Variants in WRAP73 observed in about 807,000 individuals in gnomAD.
The protein encoded by WRAP73 is WD repeat-containing protein WRAP73.
Under a neutral mutation model 59.6 loss-of-function variants are expected in WRAP73, and 55 were observed. The ratio of observed to expected loss-of-function variants is 0.92; its 90% confidence interval spans 0.74 to 1.15. The LOEUF (loss-of-function observed/expected upper bound fraction) is 1.15. Ranked by LOEUF, WRAP73 falls within the 50% of genes most tolerant of loss-of-function variation. The probability of loss-of-function intolerance (pLI) is 0.00; values close to 1 mark genes in which losing one functional copy is unlikely to be tolerated. For synonymous variants in WRAP73, 265 were observed against 258.2 expected (o/e 1.03, Z -0.25); for missense variants, 592 against 608.1 (o/e 0.97, Z 0.28).
intron 10 of WRAP73, chr1:3,631,891 T>G (rs1644538649): frequency 7.2e-7 from 1 of 1,395,956 alleles, no homozygotes; most frequent in East Asian, 2.7e-5. Flanking sequence ...TGGTATTTTT[T>G]TTTTTTTTTT....
chr1:3,640,193 C>T (rs1392021974), intron 3 of WRAP73, among the ~76,000 whole-genome samples: 2 of 152,214 alleles, frequency 1.3e-5, no homozygotes, highest in East Asian at 3.9e-4. Flanking sequence ...AACACACTGG[C>T]CGTTCTGGGG....
At chr1:3,635,433 G>C in intron 6 of WRAP73, 139 bp from the exon 7 acceptor site, 1 of 1,159,202 alleles carries the variant, frequency 8.6e-7, no homozygotes, top group Admixed American at 2.4e-5. Flanking sequence ...GGAAAAGCTG[G>C]AACTGCCAGC....
intron 3 of WRAP73, among the ~76,000 whole-genome samples, chr1:3,645,508 T>C (rs35260794): frequency 1.3e-3 from 170 of 135,524 alleles, no homozygotes; most frequent in African/African-American, 3.4e-3. Flanking sequence ...CGCAGCGGGA[T>C]GGGCGGGTTG....
Position 3,638,805 on chromosome 1 carries a change from C to G in WRAP73, c.357G>C (p.Trp119Cys), listed in dbSNP as rs1316369564. The G allele has an allele frequency of 6.2e-7, 1 of 1,613,944 alleles. No individual in the cohort carries two copies. The highest frequency in any genetic ancestry group is 8.5e-7 in the Non-Finnish European group (1 of 1,179,990). ...TTEFHLRITV[W>C]SLCTKSVSYI... ...AAGACACGGATTTTGTGCACAAGGA[C>G]CAGACGGTTATCCGCAGCTGTTGGG... Residue 119 changes from tryptophan (W) to cysteine (C), a missense_variant, in exon 4 of 12, where the codon TGG (tryptophan) becomes TGC (cysteine). Coordinates refer to ENST00000270708, the MANE Select transcript of WRAP73 (RefSeq NM_017818.4).
chr1:3,648,838 C>G (rs1270235946), intron 1 of WRAP73, among the ~76,000 whole-genome samples: 1 of 152,100 alleles, frequency 6.6e-6, no homozygotes, highest in East Asian at 1.9e-4. Context: ...GAAAATATAC[C>G]AAGGCTGAGA....
chr1:3,644,572 G>C (rs1644672650), intron 3 of WRAP73, among the ~76,000 whole-genome samples: 1 of 152,206 alleles, frequency 6.6e-6, no homozygotes, highest in Non-Finnish European at 1.5e-5. Context: ...TGCAAAGCTG[G>C]AGACACATTT....
At position 3,635,609 on chromosome 1, in the gene WRAP73, A is replaced by G. The variant is rs1644582342; in HGVS notation, c.604-315T>C. 3 of 485,982 alleles carry G rather than the reference A, an allele frequency of 6.2e-6. No individual in the cohort carries two copies. The South Asian group carries it at 7.0e-5, about 11-fold the overall frequency. 30.1% of individuals were successfully genotyped at this position (485,982 alleles called of 1,614,324 possible). A position where few individuals can be genotyped will look rare whatever the true frequency, so the allele number is the denominator to read the frequency against. ...GCCGAAGCTGGCAGATCACTTGAACACAGAAGTTCAAGAGCAGTCTGGGCA... is the reference window on the plus strand; with the variant it reads ...GCCGAAGCTGGCAGATCACTTGAACGCAGAAGTTCAAGAGCAGTCTGGGCA... On this transcript the variant is annotated intron_variant, in intron 6 of 11. Coordinates refer to ENST00000270708, the MANE Select transcript of WRAP73 (RefSeq NM_017818.4).
chr1:3,648,791 A>C (rs1644713754), intron 1 of WRAP73, among the ~76,000 whole-genome samples: 1 of 152,218 alleles, frequency 6.6e-6, no homozygotes, highest in Non-Finnish European at 1.5e-5. Flanking sequence ...AAAAACAAAA[A>C]ACAAACCTCT....
intron 8 of WRAP73, 41 bp downstream of exon 8, chr1:3,634,956 C>T (rs1174755159): frequency 6.2e-7 from 1 of 1,610,814 alleles, no homozygotes; most frequent in South Asian, 1.1e-5. Flanking sequence ...ACCGCCCTCC[C>T]CAACAGCCTG....
intron 9 of WRAP73, 86 bp from the exon 10 acceptor site, chr1:3,632,424 C>T: frequency 6.2e-7 from 1 of 1,601,670 alleles, no homozygotes. Context: ...CTGCATCGGG[C>T]ATCGCGAACC....
intron 5 of WRAP73, 136 bp downstream of exon 5, chr1:3,636,859 C>T (rs1285341306): frequency 8.7e-6 from 8 of 921,292 alleles, no homozygotes; most frequent in Non-Finnish European, 1.4e-5. Flanking sequence ...ATTCGCAGCG[C>T]ACCTGCCCTT....
intron 8 of WRAP73, chr1:3,633,876 GAC>G (rs887898754): frequency 5.5e-6 from 1 of 183,298 alleles, no homozygotes; most frequent in African/African-American, 2.4e-5. Flanking sequence ...GGGAGCAGCA[GAC>G]ACAGACCCGA....
chr1:3,636,199 G>C (rs1644587824), intron 5 of WRAP73, 169 bp from the exon 6 acceptor site: 1 of 625,564 alleles, frequency 1.6e-6, no homozygotes, highest in Non-Finnish European at 2.8e-6. Flanking sequence ...GCTGCTGCTG[G>C]GGCTGCACCG....
intron 3 of WRAP73, among the ~76,000 whole-genome samples, chr1:3,641,664 C>T (rs7528494): frequency 0.063 from 9,660 of 152,248 alleles, 967 homozygotes; most frequent in African/African-American, 0.22. Context: ...CTGATTGTGG[C>T]GGCAATGACG....
intron 1 of WRAP73, among the ~76,000 whole-genome samples, chr1:3,648,655 T>G (rs1644712717): frequency 6.6e-6 from 1 of 152,202 alleles, no homozygotes; most frequent in African/African-American, 2.4e-5. Flanking sequence ...ATGATTCCAG[T>G]AACAGATCAT....
intron 4 of WRAP73, 111 bp downstream of exon 4, chr1:3,638,639 G>A (rs925829317): frequency 3.2e-5 from 37 of 1,150,396 alleles, no homozygotes; most frequent in Non-Finnish European, 4.6e-5. Context: ...AAGGGGGTTG[G>A]CTATGTGTTG....
At chr1:3,637,265 G>A (rs1356883345) in intron 4 of WRAP73, among the ~76,000 whole-genome samples, 167 bp from the exon 5 acceptor site, 3 of 152,216 alleles carry the variant, frequency 2.0e-5, no homozygotes, top group East Asian at 3.9e-4. Flanking sequence ...ACATTCTAGC[G>A]CAGAGGAGAA....
chr1:3,631,172 G>A, intron 11 of WRAP73, 55 bp from the exon 12 acceptor site: 1 of 1,607,682 alleles, frequency 6.2e-7, no homozygotes, highest in Non-Finnish European at 8.5e-7. Context: ...AGATTCTGGG[G>A]GATGGGCACC....
rs529827490 is a variant in WRAP73, at chr1:3,639,819, G to A, written c.340-997C>T. 4.2e-3 allele frequency among the ~76,000 whole-genome samples: 641 copies of A among 152,140 alleles called. 2 individuals are homozygous for A. The highest frequency in any genetic ancestry group is 0.029 in the South Asian group (139 of 4,808). ...GGGCTGCGCAGCTCCATGCGGGGTGGGGTGCTGACTGCCAGCTCCGTGTGT... is the reference window on the plus strand; with the variant it reads ...GGGCTGCGCAGCTCCATGCGGGGTGAGGTGCTGACTGCCAGCTCCGTGTGT... On this transcript the variant is annotated intron_variant, in intron 3 of 11. Coordinates refer to ENST00000270708, the MANE Select transcript of WRAP73 (RefSeq NM_017818.4). The surrounding 1 kb of genome is among the most constrained non-coding windows in gnomAD (Gnocchi z 4.3).
Sources: gnomAD v4.1 joint callset for allele counts (sites outside exome capture counted in the v4.1 genomes callset) on GRCh38, gnomAD v4.1.1 for gene constraint, Gnocchi (gnomAD v3.1) non-coding constraint, MANE v1.5 for transcripts, NCBI Gene and HGNC (gene_info 2026-07-23, HGNC 2026-07-21) for gene names.